Variants in POU6F2 observed in about 807,000 individuals in gnomAD.
POU6F2 encodes the protein POU domain, class 6, transcription factor 2.
A neutral mutation model predicts 71.3 loss-of-function variants in POU6F2; 31 were observed. The ratio of observed to expected loss-of-function variants is 0.43; its 90% CI spans 0.33 to 0.59. The LOEUF is 0.59. POU6F2 is among the 20% of genes least tolerant of loss of function. The probability of loss-of-function intolerance (pLI) is 0.04; values close to 1 mark genes in which losing one functional copy is unlikely to be tolerated. For missense variants in POU6F2, 783 were observed against 856.8 expected (o/e 0.91, Z 1.07); for synonymous variants, 347 against 355.7 (o/e 0.98, Z 0.27).
At chr7:39,405,201 A>G (rs1262336373) in intron 5 of POU6F2, among the ~76,000 whole-genome samples, 1 of 152,218 alleles carries the variant, frequency 6.6e-6, no homozygotes, top group South Asian at 2.1e-4. Flanking sequence ...TAATGAAAAA[A>G]TAGTTATTAA....
At chr7:39,090,389 C>T (rs1340331331) in intron 2 of POU6F2, among the ~76,000 whole-genome samples, 2 of 151,708 alleles carry the variant, frequency 1.3e-5, no homozygotes, top group Non-Finnish European at 2.9e-5. Context: ...CCCCTTGAGA[C>T]AGTGGTCTCT....
intron 1 of POU6F2, among the ~76,000 whole-genome samples, chr7:39,074,580 T>C (rs996867496): frequency 2.6e-5 from 4 of 152,206 alleles, no homozygotes; most frequent in Admixed American, 2.6e-4. Context: ...GCAATAGATA[T>C]TTAGTGAGAG....
At chr7:39,450,529 G>A (rs1201188506) in intron 7 of POU6F2, among the ~76,000 whole-genome samples, 1 of 152,068 alleles carries the variant, frequency 6.6e-6, no homozygotes, top group South Asian at 2.1e-4. Flanking sequence ...GAACCTGCAA[G>A]CATTTCCCTT....
intron 2 of POU6F2, among the ~76,000 whole-genome samples, chr7:39,184,460 C>G (rs563480917): frequency 3.9e-5 from 6 of 152,166 alleles, no homozygotes; most frequent in African/African-American, 1.4e-4. Context: ...CCTAAATTTA[C>G]GCCCAGCACA....
chr7:39,391,649 A>G (rs1787078089), intron 5 of POU6F2, among the ~76,000 whole-genome samples: 1 of 152,196 alleles, frequency 6.6e-6, no homozygotes, highest in South Asian at 2.1e-4. Flanking sequence ...CTCTGTCAAC[A>G]GAGATGGCAA....
chr7:39,065,109 G>A (rs1790731031), intron 1 of POU6F2, among the ~76,000 whole-genome samples: 1 of 151,650 alleles, frequency 6.6e-6, no homozygotes, highest in African/African-American at 2.4e-5. Flanking sequence ...AAGATACTTT[G>A]ATCTTACGTA....
intron 7 of POU6F2, among the ~76,000 whole-genome samples, chr7:39,445,660 T>C (rs1166477175): frequency 1.3e-5 from 2 of 152,230 alleles, no homozygotes; most frequent in Non-Finnish European, 2.9e-5. Flanking sequence ...TCTTGTATCA[T>C]GTTCCAGGTC....
At chr7:38,985,079 T>A (rs1788427923) in intron 1 of POU6F2, among the ~76,000 whole-genome samples, 1 of 152,138 alleles carries the variant, frequency 6.6e-6, no homozygotes, top group African/African-American at 2.4e-5. Context: ...TAATTGATAC[T>A]GAGGAAATAT....
At chr7:39,062,550 G>C (rs1222281465) in intron 1 of POU6F2, among the ~76,000 whole-genome samples, 1 of 150,798 alleles carries the variant, frequency 6.6e-6, no homozygotes, top group Non-Finnish European at 1.5e-5. Context: ...CACCTCGTGG[G>C]CCTGGCTGCA....
At chr7:39,090,430 T>C (rs1791340196) in intron 2 of POU6F2, among the ~76,000 whole-genome samples, 1 of 151,800 alleles carries the variant, frequency 6.6e-6, no homozygotes, top group South Asian at 2.1e-4. Flanking sequence ...TTGCAGGGCA[T>C]TATGGGGACT....
chr7:39,018,695 C>T (rs702819), intron 1 of POU6F2, among the ~76,000 whole-genome samples: 4 of 152,170 alleles, frequency 2.6e-5, no homozygotes, highest in African/African-American at 9.7e-5. Context: ...CCAATGTTTC[C>T]AATAATCACT....
intron 5 of POU6F2, among the ~76,000 whole-genome samples, chr7:39,374,753 A>G (rs1244920423): frequency 6.6e-6 from 1 of 152,218 alleles, no homozygotes; most frequent in African/African-American, 2.4e-5. Flanking sequence ...TTTGATGTAC[A>G]TGCACAAAAT....
At chr7:38,979,767 T>C (rs528891123) in intron 1 of POU6F2, among the ~76,000 whole-genome samples, 1 of 152,292 alleles carries the variant, frequency 6.6e-6, no homozygotes, top group South Asian at 2.1e-4. Context: ...AGGTTGCAGG[T>C]CCTGTCTTCT....
chr7:39,014,381 A>G lies in POU6F2; in HGVS notation c.105+36323A>G, dbSNP rs190832321. ...TTTCAGGAGAGCAGATGCTATAACT[A>G]TAAAAATGAAGGTGAACATACTGAA... On this transcript the variant is annotated intron_variant, in intron 1 of 9. Coordinates refer to ENST00000518318, the MANE Select transcript of POU6F2 (RefSeq NM_001370959.1). Among the ~76,000 whole-genome samples the G allele has an allele frequency of 1.1e-4, 16 of 152,362 alleles. No individual in the cohort carries two copies. The East Asian group carries it at 2.9e-3, about 28-fold the overall frequency.
In POU6F2 at chr7:39,465,075, A is replaced by G. The variant is rs1789038642; in HGVS notation, c.*389A>G. The G allele has an allele frequency of 5.8e-6, 1 of 172,292 alleles. No individual in the cohort carries two copies. Among genetic ancestry groups the G allele is most frequent in the Non-Finnish European group, 1.2e-5 (1 of 80,074 alleles). 10.7% of individuals were successfully genotyped at this position (172,292 alleles called of 1,614,324 possible). A position where few individuals can be genotyped will look rare whatever the true frequency, so the allele number is the denominator to read the frequency against. ...TGAACACATTTTAAGGAAAAAGAAA[A>G]AAAAAAACTAAACCAAAAACCAACA... On this transcript the variant is annotated 3_prime_UTR_variant, in exon 10 of 10. Transcript: ENST00000518318.
At position 39,246,905 on chromosome 7, in the gene POU6F2, C is replaced by CTTTTTTTTTTTTTTTTT. The variant is rs398004470; in HGVS notation, c.598+39292_598+39308dup. ...CCAGCTCACCCCAAATCCAGGGTGGCTTTTTTTTTTTTTTTTTTTTTTTGC... is the reference window on the plus strand; with the variant it reads ...CCAGCTCACCCCAAATCCAGGGTGGCTTTTTTTTTTTTTTTTTTTTTTTTTTTTTTTTTTTTTTTTGC... On this transcript the variant is annotated intron_variant, in intron 4 of 9. Coordinates refer to ENST00000518318, the MANE Select transcript of POU6F2 (RefSeq NM_001370959.1). Among the ~76,000 whole-genome samples the CTTTTTTTTTTTTTTTTT allele has an allele frequency of 8.1e-4, 63 of 78,148 alleles. 8 individuals are homozygous for CTTTTTTTTTTTTTTTTT. Among genetic ancestry groups the CTTTTTTTTTTTTTTTTT allele is most frequent in the African/African-American group, 2.9e-3 (49 of 17,082 alleles). 51.3% of individuals were successfully genotyped at this position (78,148 alleles called of 152,430 possible).
chr7:39,464,132 C>G lies in POU6F2; in HGVS notation c.1659-50C>G, dbSNP rs1789012459. ...CAGGCAGGCAGGCAGGAGGCCCACC[C>G]TGGCAGAGGACTCAGTGTAAGACTG... is the stretch of plus-strand genomic sequence containing the variant. On this transcript the variant is annotated intron_variant, in intron 9 of 9. Transcript: ENST00000518318. This position sits in a 1 kb window ranked among gnomAD's most constrained non-coding sequence, Gnocchi z 4.1. 2 of 1,566,990 alleles carry G rather than the reference C, an allele frequency of 1.3e-6. No homozygotes were observed. Among genetic ancestry groups the G allele is most frequent in the Non-Finnish European group, 1.7e-6 (2 of 1,153,552 alleles).
intron 6 of POU6F2, among the ~76,000 whole-genome samples, chr7:39,426,572 C>G (rs1023145793): frequency 6.6e-6 from 1 of 151,980 alleles, no homozygotes; most frequent in Non-Finnish European, 1.5e-5. Flanking sequence ...TCCCTCCCTC[C>G]TCTTCCTCCC....
intron 2 of POU6F2, among the ~76,000 whole-genome samples, chr7:39,198,474 C>T (rs936442420): frequency 4.6e-5 from 7 of 152,198 alleles, no homozygotes; most frequent in African/African-American, 1.7e-4. Context: ...GGACTTCCTT[C>T]TGCTGGAGCC....
Sources: allele counts gnomAD v4.1 joint callset (sites outside exome capture counted in the v4.1 genomes callset), GRCh38; gene constraint gnomAD v4.1.1; non-coding constraint Gnocchi (gnomAD v3.1); transcripts MANE v1.5; gene names NCBI Gene and HGNC (gene_info 2026-07-23, HGNC 2026-07-21).